The following SLC41A2 variants were observed in gnomAD, a reference collection of about 807,000 sequenced individuals.
The protein encoded by SLC41A2 is SLC41A1-like 1.
SLC41A2 carries 32 observed loss-of-function variants against 58.3 expected under a neutral mutation model. The ratio of observed to expected loss-of-function variants is 0.55; its 90% CI spans 0.41 to 0.74. SLC41A2 has a LOEUF of 0.74. Ranked by LOEUF, SLC41A2 falls within the 30% of genes least tolerant of loss-of-function variation. The probability of loss-of-function intolerance (pLI) is 0.00; values close to 1 mark genes in which losing one functional copy is unlikely to be tolerated. For missense variants in SLC41A2, 514 were observed against 680.6 expected (o/e 0.76, Z 2.72); for synonymous variants, 190 against 235.0 (o/e 0.81, Z 1.75).
chr12:104,867,944 T>C (rs1413939472), intron 6 of SLC41A2, among the ~76,000 whole-genome samples: 1 of 151,952 alleles, frequency 6.6e-6, no homozygotes, highest in Non-Finnish European at 1.5e-5. Context: ...CCATATCATG[T>C]AGGAATAAGC....
intron 7 of SLC41A2, among the ~76,000 whole-genome samples, chr12:104,864,685 G>A (rs2043348737): frequency 6.6e-6 from 1 of 152,060 alleles, no homozygotes; most frequent in Non-Finnish European, 1.5e-5. Flanking sequence ...TGCTTTTCAG[G>A]AGGGTTCCTC....
intron 2 of SLC41A2, among the ~76,000 whole-genome samples, chr12:104,917,692 G>A (rs1392178034): frequency 1.3e-5 from 2 of 151,272 alleles, no homozygotes; most frequent in Non-Finnish European, 2.9e-5. Flanking sequence ...GGATGAAACT[G>A]GAAATCATTC....
At position 104,892,328 on chromosome 12, in the gene SLC41A2, A is replaced by AAAAAAAAAAAAAAAC. The variant is rs1272873332; in HGVS notation, c.735+2945_735+2946insGTTTTTTTTTTTTTT. Among the ~76,000 whole-genome samples the AAAAAAAAAAAAAAAC allele has an allele frequency of 2.4e-4, 30 of 126,886 alleles. 1 individual carries two copies. The highest frequency in any genetic ancestry group is 6.9e-4 in the East Asian group (2 of 2,910). 83.2% of individuals were successfully genotyped at this position (126,886 alleles called of 152,430 possible). The stretch of plus-strand genomic sequence containing the variant: ...AAATAAAATAAAATAAAATAAAATA[A>AAAAAAAAAAAAAAAC]AATAAAATATTGATGCAAGAAATTG... On this transcript the variant is annotated intron_variant, in intron 4 of 10. Transcript: ENST00000258538.
intron 10 of SLC41A2, among the ~76,000 whole-genome samples, chr12:104,832,108 C>T (rs2042058181): frequency 6.6e-6 from 1 of 152,092 alleles, no homozygotes; most frequent in Admixed American, 6.5e-5. Context: ...TTCAGCATAC[C>T]TTCAGAAGCA....
intron 10 of SLC41A2, among the ~76,000 whole-genome samples, chr12:104,815,368 AAATATGCCTTTTGAAAAG>A (rs1171232851): frequency 6.6e-6 from 1 of 152,252 alleles, no homozygotes; most frequent in African/African-American, 2.4e-5. Flanking sequence ...CTCTCTAGGT[AAATATGCCTTTTGAAAAG>A]GCAACTTTGT....
At chr12:104,907,573 T>G (rs2045906624) in intron 3 of SLC41A2, among the ~76,000 whole-genome samples, 1 of 152,240 alleles carries the variant, frequency 6.6e-6, no homozygotes, top group South Asian at 2.1e-4. Context: ...TAGCAGATCA[T>G]TCTTACAAAG....
chr12:104,812,817 G>C (rs1180983395), intron 10 of SLC41A2, among the ~76,000 whole-genome samples: 1 of 151,824 alleles, frequency 6.6e-6, no homozygotes, highest in African/African-American at 2.4e-5. Flanking sequence ...AACTTTTGAG[G>C]GGCAAAACAC....
At chr12:104,825,886 AG>A (rs1368879605) in intron 10 of SLC41A2, among the ~76,000 whole-genome samples, 1 of 152,204 alleles carries the variant, frequency 6.6e-6, no homozygotes, top group Admixed American at 6.5e-5. Flanking sequence ...TGCCAACAAC[AG>A]GGAGAATGGG....
chr12:104,808,127 A>G (rs367895374), intron 10 of SLC41A2, among the ~76,000 whole-genome samples: 9 of 151,598 alleles, frequency 5.9e-5, no homozygotes, highest in African/African-American at 1.5e-4. Context: ...GTGAGAGAGG[A>G]CATCCCTGTC....
chr12:104,935,115 G>C (rs1040269176), intron 1 of SLC41A2, among the ~76,000 whole-genome samples: 1 of 152,004 alleles, frequency 6.6e-6, no homozygotes, highest in African/African-American at 2.4e-5. Context: ...ATGCCACCAC[G>C]CCCGGCTAAT....
At chr12:104,820,330 G>A (rs1441693735) in intron 10 of SLC41A2, among the ~76,000 whole-genome samples, 1 of 152,218 alleles carries the variant, frequency 6.6e-6, no homozygotes, top group African/African-American at 2.4e-5. Flanking sequence ...AGGCATGGCG[G>A]TGCACACCTG....
chr12:104,910,283 TC>T (rs1400374926), intron 2 of SLC41A2, among the ~76,000 whole-genome samples: 2 of 152,116 alleles, frequency 1.3e-5, no homozygotes, highest in African/African-American at 2.4e-5. Flanking sequence ...TTCTAAGTAA[TC>T]CCATGTTTTA....
chr12:104,918,028 C>A (rs1294033328), intron 2 of SLC41A2, among the ~76,000 whole-genome samples: 3 of 146,882 alleles, frequency 2.0e-5, no homozygotes, highest in Non-Finnish European at 3.0e-5. Flanking sequence ...GAAAATAAAC[C>A]TATTCACTTT....
At chr12:104,853,468 G>A (rs1397289423) in intron 8 of SLC41A2, among the ~76,000 whole-genome samples, 1 of 151,998 alleles carries the variant, frequency 6.6e-6, no homozygotes, top group Non-Finnish European at 1.5e-5. Flanking sequence ...TTCAAGAAAT[G>A]CAAAAAGATG....
At chr12:104,825,850 T>G (rs990270608) in intron 10 of SLC41A2, among the ~76,000 whole-genome samples, 1 of 152,218 alleles carries the variant, frequency 6.6e-6, no homozygotes, top group African/African-American at 2.4e-5. Flanking sequence ...CTTTATGGCA[T>G]GAACAGTCCC....
At chr12:104,878,621 G>A (rs905114473) in intron 6 of SLC41A2, among the ~76,000 whole-genome samples, 1 of 152,092 alleles carries the variant, frequency 6.6e-6, no homozygotes, top group Non-Finnish European at 1.5e-5. Context: ...CTTCATCAAT[G>A]TCCCTACAAA....
chr12:104,833,516 C>T (rs2042109296), intron 10 of SLC41A2, among the ~76,000 whole-genome samples: 1 of 152,110 alleles, frequency 6.6e-6, no homozygotes, highest in Admixed American at 6.6e-5. Context: ...AAAAATTCAG[C>T]TTTGTCTTTT....
intron 1 of SLC41A2, among the ~76,000 whole-genome samples, chr12:104,929,430 A>G (rs910346356): frequency 6.6e-6 from 1 of 152,252 alleles, no homozygotes; most frequent in South Asian, 2.1e-4. Flanking sequence ...CTTGTAACGC[A>G]CTTATTTATG....
At chr12:104,818,182 T>C (rs540351384) in intron 10 of SLC41A2, among the ~76,000 whole-genome samples, 3 of 152,184 alleles carry the variant, frequency 2.0e-5, no homozygotes, top group South Asian at 2.1e-4. Flanking sequence ...TCATATGACA[T>C]AGACATGAAA....
Sources: allele counts gnomAD v4.1 joint callset (sites outside exome capture counted in the v4.1 genomes callset), GRCh38; gene constraint gnomAD v4.1.1; transcripts MANE v1.5; gene names NCBI Gene and HGNC (gene_info 2026-07-23, HGNC 2026-07-21).